Variants in ST6GALNAC3 observed in about 807,000 individuals in gnomAD.
ST6GALNAC3 encodes the protein ST6 N-acetylgalactosaminide alpha-2,6-sialyltransferase 3.
ST6GALNAC3 carries 25 observed loss-of-function variants against 32.7 expected under a neutral mutation model. The ratio of observed to expected loss-of-function variants is 0.76; its 90% CI spans 0.56 to 1.07. The LOEUF (loss-of-function observed/expected upper bound fraction) is 1.07. Among genes scored for constraint, ST6GALNAC3 ranks in the 50% least tolerant of loss-of-function variants. The pLI is 0.00. For synonymous variants in ST6GALNAC3, 129 were observed against 133.1 expected, an observed-to-expected ratio of 0.97 and a Z score of 0.21; for missense variants, 355 against 382.4, an observed-to-expected ratio of 0.93 and a Z score of 0.60.
In ST6GALNAC3 at chr1:76,459,428, G is replaced by GT. The variant is rs1265341210; in HGVS notation, c.623+47012dup. On this transcript the variant is annotated intron_variant, in intron 3 of 4. Coordinates refer to ENST00000328299, the MANE Select transcript of ST6GALNAC3 (RefSeq NM_152996.4). The stretch of plus-strand genomic sequence containing the variant: ...AAATACAAAAAATTAGCCACGCGTG[G>GT]TGGCGGGCACCTGTAGTCCCAGCTA... Among the ~76,000 whole-genome samples, 6 of 152,232 alleles carry GT rather than the reference G, an allele frequency of 3.9e-5. No homozygotes were observed. In the East Asian group the frequency reaches 1.2e-3, roughly 29 times the overall value.
intron 1 of ST6GALNAC3, among the ~76,000 whole-genome samples, chr1:76,244,210 T>C (rs1422130394): frequency 6.6e-6 from 1 of 152,152 alleles, no homozygotes; most frequent in Non-Finnish European, 1.5e-5. Context: ...TTTGTAGCAA[T>C]TGTGAATGGG....
At chr1:76,171,655 A>G (rs1354712261) in intron 1 of ST6GALNAC3, among the ~76,000 whole-genome samples, 1 of 152,084 alleles carries the variant, frequency 6.6e-6, no homozygotes, top group Non-Finnish European at 1.5e-5. Flanking sequence ...AGAATACTAT[A>G]AACAACTCGA....
rs1343430850 is a variant in ST6GALNAC3 at position 76,297,282 on chromosome 1, A to T, written c.19-16523A>T. ...AAAGTATCTCAATATCCACAGCAAT[A>T]ATTATTTTTTGCCTGAAAATTACAG... On this transcript the variant is annotated intron_variant, in intron 1 of 4. Transcript: ENST00000328299. 2.6e-5 allele frequency among the ~76,000 whole-genome samples: 4 copies of T among 152,006 alleles called. No individual in the cohort carries two copies. The East Asian group carries it at 7.7e-4, about 29-fold the overall frequency.
chr1:76,260,808 C>T (rs1570611589), intron 1 of ST6GALNAC3, among the ~76,000 whole-genome samples: 1 of 152,086 alleles, frequency 6.6e-6, no homozygotes, highest in East Asian at 1.9e-4. Flanking sequence ...CTTAAGCTCA[C>T]TTTAAAAAAT....
chr1:76,635,659 A>G (rs960685238), downstream of ST6GALNAC3, among the ~76,000 whole-genome samples: 4 of 152,186 alleles, frequency 2.6e-5, no homozygotes, highest in African/African-American at 9.7e-5. Flanking sequence ...TTCTCCCTCA[A>G]ACATAAATTC....
rs369962919 is a variant in ST6GALNAC3 at position 76,263,492 on chromosome 1, A to G, written c.19-50313A>G. 3.9e-5 allele frequency among the ~76,000 whole-genome samples: 6 copies of G among 152,076 alleles called. No homozygotes were observed. In the East Asian group the frequency reaches 9.6e-4, roughly 24 times the overall value. ...CTACCCCAATTCTTGTGTTGAGGTT[A>G]TTGGGAAACTGCACTGTTAATCAGA... On this transcript the variant is annotated intron_variant, in intron 1 of 4. Transcript: ENST00000328299.
At chr1:76,580,004 A>T (rs1646869475) in intron 3 of ST6GALNAC3, among the ~76,000 whole-genome samples, 1 of 152,102 alleles carries the variant, frequency 6.6e-6, no homozygotes, top group Non-Finnish European at 1.5e-5. Flanking sequence ...TTTTTATAAT[A>T]AAAATTTCCT....
chr1:76,487,028 C>T (rs996955334), intron 3 of ST6GALNAC3, among the ~76,000 whole-genome samples: 1 of 152,152 alleles, frequency 6.6e-6, no homozygotes, highest in Middle Eastern at 3.4e-3. Context: ...GAAAATTCTT[C>T]TCTTTAAGAA....
At chr1:76,226,323 C>T (rs1557709878) in intron 1 of ST6GALNAC3, among the ~76,000 whole-genome samples, 1 of 152,156 alleles carries the variant, frequency 6.6e-6, no homozygotes, top group Non-Finnish European at 1.5e-5. Flanking sequence ...AGGGGATGCC[C>T]CTTTTGTGGG....
intron 1 of ST6GALNAC3, among the ~76,000 whole-genome samples, chr1:76,182,170 A>G (rs1653225471): frequency 6.6e-6 from 1 of 152,180 alleles, no homozygotes; most frequent in Non-Finnish European, 1.5e-5. Flanking sequence ...CTTATCATTT[A>G]CATTATTGGT....
intron 1 of ST6GALNAC3, among the ~76,000 whole-genome samples, chr1:76,212,927 G>A (rs1655249853): frequency 6.6e-6 from 1 of 152,176 alleles, no homozygotes; most frequent in Non-Finnish European, 1.5e-5. Context: ...GAAAACAGCT[G>A]ACACTTACAA....
At chr1:76,607,595 G>A (rs1003284294) in intron 3 of ST6GALNAC3, among the ~76,000 whole-genome samples, 15 of 152,128 alleles carry the variant, frequency 9.9e-5, no homozygotes, top group African/African-American at 3.1e-4. Flanking sequence ...TGTTCCTATC[G>A]TCCCTATCAC....
At chr1:76,339,833 G>T (rs1647808981) in intron 2 of ST6GALNAC3, among the ~76,000 whole-genome samples, 1 of 152,130 alleles carries the variant, frequency 6.6e-6, no homozygotes, top group Non-Finnish European at 1.5e-5. Context: ...GAATTCAAGT[G>T]AAGCAGGGTA....
At chr1:76,285,843 C>G (rs1016278365) in intron 1 of ST6GALNAC3, among the ~76,000 whole-genome samples, 8 of 152,008 alleles carry the variant, frequency 5.3e-5, no homozygotes, top group Non-Finnish European at 5.9e-5. Context: ...GACAGAGAGA[C>G]AGAGGGAGAT....
At chr1:76,627,930 G>C (rs1649077701) in intron 4 of ST6GALNAC3, among the ~76,000 whole-genome samples, 1 of 151,912 alleles carries the variant, frequency 6.6e-6, no homozygotes, top group African/African-American at 2.4e-5. Flanking sequence ...TGGTTAGTTA[G>C]ATTTGATCAT....
intron 1 of ST6GALNAC3, among the ~76,000 whole-genome samples, chr1:76,283,803 G>C (rs1037791620): frequency 3.3e-5 from 5 of 152,154 alleles, no homozygotes; most frequent in African/African-American, 4.8e-5. Flanking sequence ...TTTTATTTGT[G>C]CCCCTCAAGT....
chr1:76,134,227 A>G (rs1169078668), intron 1 of ST6GALNAC3, among the ~76,000 whole-genome samples: 1 of 152,148 alleles, frequency 6.6e-6, no homozygotes, highest in Non-Finnish European at 1.5e-5. Flanking sequence ...TATACACTGT[A>G]TGTTTATTTC....
intron 3 of ST6GALNAC3, among the ~76,000 whole-genome samples, chr1:76,512,459 C>T (rs1661924017): frequency 6.6e-6 from 1 of 152,010 alleles, no homozygotes; most frequent in Admixed American, 6.6e-5. Flanking sequence ...TTTTTATTGA[C>T]ACATTTTATA....
intron 1 of ST6GALNAC3, among the ~76,000 whole-genome samples, chr1:76,100,547 A>G (rs1443403640): frequency 2.0e-5 from 3 of 152,196 alleles, no homozygotes; most frequent in African/African-American, 7.2e-5. Flanking sequence ...GTCAAGATGG[A>G]TTAACATTTT....
Sources: allele counts gnomAD v4.1 joint callset (sites outside exome capture counted in the v4.1 genomes callset), GRCh38; gene constraint gnomAD v4.1.1; transcripts MANE v1.5; gene names NCBI Gene and HGNC (gene_info 2026-07-23, HGNC 2026-07-21).